Variants in SYNE2 observed in about 807,000 individuals in gnomAD.
SYNE2 encodes the protein spectrin repeat containing nuclear envelope protein 2.
In SYNE2, 431 loss-of-function variants were observed where a neutral mutation model predicts 856.3. The observed-to-expected ratio is 0.50, with a 90% CI of 0.47 to 0.55. The LOEUF (loss-of-function observed/expected upper bound fraction) is 0.55. Ranked by LOEUF, SYNE2 falls within the 20% of genes least tolerant of loss-of-function variation. The probability of loss-of-function intolerance (pLI) is 0.00; values close to 1 mark genes in which losing one functional copy is unlikely to be tolerated. For synonymous variants in SYNE2, 2,923 were observed against 2,872.3 expected (o/e 1.02, Z -0.56); for missense variants, 8,129 against 8,023.2 (o/e 1.01, Z -0.50).
intron 1 of SYNE2, among the ~76,000 whole-genome samples, chr14:63,882,575 AT>A (rs1228631052): frequency 7.1e-6 from 1 of 140,262 alleles, no homozygotes; most frequent in African/African-American, 2.6e-5. Context: ...AAAAAAAAAA[AT>A]TAGCTGGGTG....
At chr14:64,149,470 G>A (rs2098220350) in intron 84 of SYNE2, among the ~76,000 whole-genome samples, 1 of 151,336 alleles carries the variant, frequency 6.6e-6, no homozygotes, top group Admixed American at 6.6e-5. Flanking sequence ...CATTAGGATT[G>A]AAATATTCCG....
At chr14:64,201,898 G>A (rs61984374) in intron 99 of SYNE2, among the ~76,000 whole-genome samples, 1,631 of 152,308 alleles carry the variant, frequency 0.011, 19 homozygotes, top group Non-Finnish European at 0.014. Context: ...AGAACGCCAG[G>A]ACAGATCCTG....
chr14:63,919,204 C>T (rs1402524147), intron 2 of SYNE2, among the ~76,000 whole-genome samples: 1 of 152,090 alleles, frequency 6.6e-6, no homozygotes, highest in African/African-American at 2.4e-5. Context: ...TTCATGTGCC[C>T]ATGGTGCTTA....
chr14:64,025,583 C>T (rs774209954), intron 41 of SYNE2, among the ~76,000 whole-genome samples, 162 bp downstream of exon 41: 24 of 152,136 alleles, frequency 1.6e-4, no homozygotes, highest in Admixed American at 3.9e-4. Context: ...AGGGTTGTGA[C>T]GGATCTAAAA....
At position 63,949,516 on chromosome 14, in the gene SYNE2, A is replaced by G. The variant is rs966240665; in HGVS notation, c.409-309A>G. 4.6e-5 allele frequency among the ~76,000 whole-genome samples: 7 copies of G among 152,256 alleles called. No homozygotes were observed. The East Asian group carries it at 1.2e-3, about 25-fold the overall frequency. Reference sequence around the variant, plus strand: ...AATTTGGTTCAGTTCGATTTATTTGACAGGTGTTAAACTACAGTGAAGTGC... The same window carrying G: ...AATTTGGTTCAGTTCGATTTATTTGGCAGGTGTTAAACTACAGTGAAGTGC... On this transcript the variant is annotated intron_variant, in intron 6 of 115. Coordinates refer to ENST00000555002, the MANE Select transcript of SYNE2 (RefSeq NM_182914.3).
Position 64,166,137 on chromosome 14 carries a change from A to G in SYNE2, c.16605+727A>G, listed in dbSNP as rs368605240. On this transcript the variant is annotated intron_variant, in intron 90 of 115. Transcript: ENST00000555002. ...GTAACTCTCCTAGGAATCAATATTCATAACTTAGATCAGCAGTCAACAAAC... is the reference window on the plus strand; with the variant it reads ...GTAACTCTCCTAGGAATCAATATTCGTAACTTAGATCAGCAGTCAACAAAC... 6.9e-4 allele frequency among the ~76,000 whole-genome samples: 105 copies of G among 152,342 alleles called. 1 individual carries two copies. The highest frequency in any genetic ancestry group is 2.4e-3 in the African/African-American group (101 of 41,578).
In SYNE2 at chr14:63,954,932, G is replaced by A; in HGVS notation, c.787+17G>A. The A allele has an allele frequency of 6.3e-7, 1 of 1,595,676 alleles. No individual in the cohort carries two copies. Among genetic ancestry groups the A allele is most frequent in the South Asian group, 1.1e-5 (1 of 90,782 alleles). On this transcript the variant is annotated intron_variant, in intron 8 of 115. Coordinates refer to ENST00000555002, the MANE Select transcript of SYNE2 (RefSeq NM_182914.3). ...AACCAGAAGGTAAAGAAGCTTCTTTGTTTTTAAAACAATCTTTAAGGCTTA... is the reference window on the plus strand; with the variant it reads ...AACCAGAAGGTAAAGAAGCTTCTTTATTTTTAAAACAATCTTTAAGGCTTA...
At chr14:64,010,185 T>C in intron 32 of SYNE2, 69 bp downstream of exon 32, 1 of 1,475,378 alleles carries the variant, frequency 6.8e-7, no homozygotes, top group South Asian at 1.2e-5. Context: ...TAAAGAGATA[T>C]TATAGATTAA....
chr14:64,091,844 T>C (rs1192664227), intron 60 of SYNE2, among the ~76,000 whole-genome samples: 4 of 152,160 alleles, frequency 2.6e-5, no homozygotes, highest in African/African-American at 9.7e-5. Flanking sequence ...ATTAGATGGG[T>C]CACTGTAAGG....
chr14:64,045,118 C>A (rs1259903061), intron 45 of SYNE2, among the ~76,000 whole-genome samples: 1 of 152,142 alleles, frequency 6.6e-6, no homozygotes, highest in African/African-American at 2.4e-5. Context: ...CTGCCACAAG[C>A]AAAGGACCTT....
At position 64,223,230 on chromosome 14, in the gene SYNE2, CA is replaced by C; in HGVS notation, c.20233del (p.Met6745CysfsTer43). 6.2e-7 allele frequency: 1 copy of C among 1,614,038 alleles called. No homozygotes were observed. The highest frequency in any genetic ancestry group is 8.5e-7 in the Non-Finnish European group (1 of 1,179,976). On this transcript the variant is annotated frameshift_variant, in exon 113 of 116. Transcript: ENST00000555002. LOFTEE classifies it high-confidence loss of function. ...ELVERQPQVD[M>X]LQEISNSLLI... ...TGGTAGAACGTCAACCTCAAGTGGA[CA>C]TGTTACAGGAGATTTCAAACAGCCT...
At chr14:63,847,403 G>A (rs1457217818) in intron 1 of SYNE2, among the ~76,000 whole-genome samples, 2 of 151,912 alleles carry the variant, frequency 1.3e-5, no homozygotes, top group African/African-American at 4.8e-5. Flanking sequence ...GCTGCAATAA[G>A]CCATGATCAT....
intron 1 of SYNE2, among the ~76,000 whole-genome samples, chr14:63,861,207 C>T (rs1021160479): frequency 2.7e-5 from 4 of 146,942 alleles, no homozygotes; most frequent in African/African-American, 1.0e-4. Context: ...TGCGGCGGCA[C>T]AATCTCAGCT....
rs1449459618 is a variant in SYNE2, at chr14:64,188,720, C to T, written c.17871+12C>T. The stretch of plus-strand genomic sequence containing the variant: ...AAAAGTTACAGAAGGTAAGGGAGGA[C>T]ACCCAGGTGGATGTAGTTATGACTA... On this transcript the variant is annotated intron_variant, in intron 98 of 115. Coordinates refer to ENST00000555002, the MANE Select transcript of SYNE2 (RefSeq NM_182914.3). 1 of 1,613,902 alleles carries T rather than the reference C, an allele frequency of 6.2e-7. No individual in the cohort carries two copies. The highest frequency in any genetic ancestry group is 8.5e-7 in the Non-Finnish European group (1 of 1,179,892).
chr14:63,893,609 T>C (rs902433517), intron 1 of SYNE2, among the ~76,000 whole-genome samples: 1 of 152,150 alleles, frequency 6.6e-6, no homozygotes, highest in South Asian at 2.1e-4. Flanking sequence ...AGTTATTAAT[T>C]TATTCTTTTT....
At chr14:63,931,377 C>T (rs1327855519) in intron 2 of SYNE2, among the ~76,000 whole-genome samples, 1 of 151,786 alleles carries the variant, frequency 6.6e-6, no homozygotes, top group Admixed American at 6.6e-5. Flanking sequence ...TGGTGAAACC[C>T]CGTCTGTACT....
At chr14:63,777,393 G>C (rs1887149166) in intron 1 of SYNE2, among the ~76,000 whole-genome samples, 1 of 152,150 alleles carries the variant, frequency 6.6e-6, no homozygotes, top group Non-Finnish European at 1.5e-5. Context: ...ATACAGGCCA[G>C]GTGCAGTGCC....
At chr14:63,974,890 G>GTATATATATA (rs1281921502) in intron 11 of SYNE2, among the ~76,000 whole-genome samples, 25 of 27,500 alleles carry the variant, frequency 9.1e-4, no homozygotes, top group East Asian at 3.3e-3. Flanking sequence ...GTGTGTGTGT[G>GTATATATATA]TGTATATATA....
chr14:63,859,072 G>A (rs1892766988), intron 1 of SYNE2, among the ~76,000 whole-genome samples: 1 of 152,158 alleles, frequency 6.6e-6, no homozygotes, highest in African/African-American at 2.4e-5. Context: ...GACAGTGTCT[G>A]GAAACCATGT....
Sources: gnomAD v4.1 joint callset for allele counts (sites outside exome capture counted in the v4.1 genomes callset) on GRCh38, gnomAD v4.1.1 for gene constraint, MANE v1.5 for transcripts, NCBI Gene and HGNC (gene_info 2026-07-23, HGNC 2026-07-21) for gene names.